The following ZNF326 variants were observed in gnomAD, a reference collection of about 807,000 sequenced individuals.
ZNF326 encodes the protein zinc finger protein 326.
ZNF326 carries 30 observed loss-of-function variants against 63.1 expected under a neutral mutation model. The ratio of observed to expected loss-of-function variants is 0.48; its 90% CI spans 0.36 to 0.64. ZNF326 has a LOEUF of 0.64. Among genes scored for constraint, ZNF326 ranks in the 30% least tolerant of loss-of-function variants. The probability of loss-of-function intolerance (pLI) is 0.00; values close to 1 mark genes in which losing one functional copy is unlikely to be tolerated. For synonymous variants in ZNF326, 194 were observed against 228.2 expected (o/e 0.85, Z 1.35); for missense variants, 609 against 720.3 (o/e 0.85, Z 1.77).
At position 90,032,388 on chromosome 1, in the gene ZNF326, G is replaced by A. The variant is rs1650316043; in HGVS notation, c.*4687G>A. ...CATGGAGTGTGGAAGGGTACTATGG[G>A]TAGCTTATTTATTAGATCAGTATAA... On this transcript the variant is annotated 3_prime_UTR_variant, in exon 12 of 12. Coordinates refer to ENST00000340281, the MANE Select transcript of ZNF326 (RefSeq NM_182976.4). The A allele has an allele frequency of 6.6e-6, 1 of 152,196 alleles. No homozygotes were observed. The highest frequency in any genetic ancestry group is 2.4e-5 in the African/African-American group (1 of 41,400). 9.4% of individuals were successfully genotyped at this position (152,196 alleles called of 1,614,324 possible).
In ZNF326 at chr1:90,028,459, C is replaced by CT. The variant is rs1381489416; in HGVS notation, c.*763dup. The CT allele has an allele frequency of 1.3e-5, 2 of 152,148 alleles. No homozygotes were observed. The highest frequency in any genetic ancestry group is 2.9e-5 in the Non-Finnish European group (2 of 68,022). The allele number at this position is 152,148 out of a possible 1,614,324, so 9.4% of individuals were successfully genotyped here. A position where few individuals can be genotyped will look rare whatever the true frequency, so the allele number is the denominator to read the frequency against. The stretch of plus-strand genomic sequence containing the variant: ...AGTTTGAACTGACCTTATTTATACT[C>CT]TTTTTAAGTTTGTTCCTTTTCCCTG... On this transcript the variant is annotated 3_prime_UTR_variant, in exon 12 of 12. Transcript: ENST00000340281.
intron 4 of ZNF326, among the ~76,000 whole-genome samples, chr1:90,006,649 C>T (rs1649004011): frequency 6.6e-6 from 1 of 152,086 alleles, no homozygotes; most frequent in African/African-American, 2.4e-5. Flanking sequence ...AATTCATATG[C>T]AGAGGGTATA....
In ZNF326 at chr1:90,034,911, A is replaced by G. The variant is rs773087629; in HGVS notation, c.*7210A>G. 2.6e-5 allele frequency: 4 copies of G among 152,138 alleles called. No individual in the cohort carries two copies. Among genetic ancestry groups the G allele is most frequent in the Non-Finnish European group, 4.4e-5 (3 of 67,998 alleles). 9.4% of individuals were successfully genotyped at this position (152,138 alleles called of 1,614,324 possible). A position where few individuals can be genotyped will look rare whatever the true frequency, so the allele number is the denominator to read the frequency against. On this transcript the variant is annotated 3_prime_UTR_variant, in exon 12 of 12. Transcript: ENST00000340281. The stretch of plus-strand genomic sequence containing the variant: ...ATTAAATATCCCAAAATAATGTGTC[A>G]TGGTAGAGTAGGGTTTATCTGAAAA...
Position 90,004,798 on chromosome 1 carries a change from CTTTTTTTTTTT to C in ZNF326, c.62-194_62-184del, listed in dbSNP as rs34878438. Among the ~76,000 whole-genome samples the C allele has an allele frequency of 4.1e-3, 282 of 68,128 alleles. 3 individuals carry two copies. In the Middle Eastern group the frequency reaches 0.047, roughly 11 times the overall value. The allele number at this position is 68,128 out of a possible 152,430, so 44.7% of individuals were successfully genotyped here. A position where few individuals can be genotyped will look rare whatever the true frequency, so the allele number is the denominator to read the frequency against. Reference sequence around the variant, plus strand: ...TATGTTTTTCTTTGAAATATCAGGGCTTTTTTTTTTTTTTTTTTTTTAGCAAATTTGATTTA... The same window carrying C: ...TATGTTTTTCTTTGAAATATCAGGGCTTTTTTTTTTAGCAAATTTGATTTA... On this transcript the variant is annotated intron_variant, in intron 2 of 11. Transcript: ENST00000340281.
intron 6 of ZNF326, among the ~76,000 whole-genome samples, chr1:90,011,618 TAAAA>T (rs923548298): frequency 6.9e-6 from 1 of 145,968 alleles, no homozygotes; most frequent in South Asian, 2.2e-4. Context: ...ATGGTCATAA[TAAAA>T]AAAGGAAAAT....
At chr1:90,026,630 G>A (rs572396829) in intron 11 of ZNF326, among the ~76,000 whole-genome samples, 33 of 152,128 alleles carry the variant, frequency 2.2e-4, no homozygotes, top group Non-Finnish European at 4.3e-4. Context: ...GGATATTAGA[G>A]TAGCCTCCTC....
Position 90,027,788 on chromosome 1 carries a change from T to A in ZNF326, c.*87T>A. 1 of 1,273,834 alleles carries A rather than the reference T, an allele frequency of 7.9e-7. No homozygotes were observed. The highest frequency in any genetic ancestry group is 1.1e-6 in the Non-Finnish European group (1 of 891,210). The allele number at this position is 1,273,834 out of a possible 1,614,324, so 78.9% of individuals were successfully genotyped here. A position where few individuals can be genotyped will look rare whatever the true frequency, so the allele number is the denominator to read the frequency against. On this transcript the variant is annotated 3_prime_UTR_variant, in exon 12 of 12. Coordinates refer to ENST00000340281, the MANE Select transcript of ZNF326 (RefSeq NM_182976.4). ...AAATTTAATAGCTTAAAATATGAAT[T>A]AACACCCATGTTGCATGCATTCCAC...
In ZNF326 at chr1:90,027,839, T is replaced by C; in HGVS notation, c.*138T>C. 2 of 773,854 alleles carry C rather than the reference T, an allele frequency of 2.6e-6. No homozygotes were observed. The highest frequency in any genetic ancestry group is 4.0e-6 in the Non-Finnish European group (2 of 501,000). The allele number at this position is 773,854 out of a possible 1,614,324, so 47.9% of individuals were successfully genotyped here. A position where few individuals can be genotyped will look rare whatever the true frequency, so the allele number is the denominator to read the frequency against. On this transcript the variant is annotated 3_prime_UTR_variant, in exon 12 of 12. Transcript: ENST00000340281. ...ATATTAAAATTTGTTTTATATAATT[T>C]CTAAATGTTTAACATTTGTTTAATA...
chr1:90,014,718 AGT>A (rs1426145370), intron 7 of ZNF326, among the ~76,000 whole-genome samples: 1 of 152,204 alleles, frequency 6.6e-6, no homozygotes, highest in East Asian at 1.9e-4. Flanking sequence ...AAAGAAGAGT[AGT>A]TCTAGTTTCA....
At chr1:89,995,381 C>T (rs553031610) in intron 1 of ZNF326, 108 bp downstream of exon 1, 8 of 1,378,622 alleles carry the variant, frequency 5.8e-6, no homozygotes, top group Middle Eastern at 4.0e-4. Context: ...GTTCTGCGGG[C>T]CCGGAGGCCG....
chr1:90,032,029 A>T lies in ZNF326; in HGVS notation c.*4328A>T, dbSNP rs547558225. ...CCTCAGTGCTGTATCTCTATTTGGT[A>T]TTCAAACAAATCCAGGGAATCTGCA... is the stretch of plus-strand genomic sequence containing the variant. On this transcript the variant is annotated 3_prime_UTR_variant, in exon 12 of 12. Transcript: ENST00000340281. The T allele has an allele frequency of 1.4e-4, 21 of 152,274 alleles. No individual in the cohort carries two copies. The highest frequency in any genetic ancestry group is 4.6e-4 in the African/African-American group (19 of 41,552). The allele number at this position is 152,274 out of a possible 1,614,324, so 9.4% of individuals were successfully genotyped here.
intron 2 of ZNF326, among the ~76,000 whole-genome samples, chr1:90,000,024 G>A (rs772888398): frequency 4.6e-5 from 7 of 152,152 alleles, no homozygotes; most frequent in South Asian, 2.1e-4. Flanking sequence ...TGATCATTGC[G>A]AGGGAGAGTA....
At chr1:90,013,036 C>T (rs1445428208) in intron 6 of ZNF326, 90 bp from the exon 7 acceptor site, 2 of 1,066,514 alleles carry the variant, frequency 1.9e-6, no homozygotes, top group East Asian at 5.5e-5. Context: ...ACTAAGTATA[C>T]CTCATAAGTA....
At chr1:90,001,718 TA>T in intron 2 of ZNF326, among the ~76,000 whole-genome samples, 1 of 152,196 alleles carries the variant, frequency 6.6e-6, no homozygotes, top group East Asian at 1.9e-4. Context: ...CATGCCTGGC[TA>T]ATTTTTTTTG....
intron 11 of ZNF326, among the ~76,000 whole-genome samples, chr1:90,025,483 T>G (rs1352857219): frequency 6.6e-6 from 1 of 152,194 alleles, no homozygotes; most frequent in Non-Finnish European, 1.5e-5. Flanking sequence ...TGCAAGTTAC[T>G]GAGCGTCTCC....
intron 8 of ZNF326, 99 bp from the exon 9 acceptor site, chr1:90,018,586 T>C (rs1649610941): frequency 1.8e-6 from 1 of 565,374 alleles, no homozygotes; most frequent in South Asian, 2.6e-5. Context: ...AATTCTTATG[T>C]AGCAGATACT....
intron 11 of ZNF326, among the ~76,000 whole-genome samples, chr1:90,024,978 C>CTTT (rs1570322375): frequency 9.8e-6 from 1 of 102,228 alleles, no homozygotes. Flanking sequence ...GATTTTTTTC[C>CTTT]TGTTTTTTTT....
Position 89,995,222 on chromosome 1 carries a change from T to C in ZNF326, c.-36T>C. On this transcript the variant is annotated 5_prime_UTR_variant, in exon 1 of 12. Coordinates refer to ENST00000340281, the MANE Select transcript of ZNF326 (RefSeq NM_182976.4). ...GCTCGCCGCCGGCCATAGCTCAGCC[T>C]AGCGCCGCCAAGGCCGACGGCCCTC... 1 of 1,540,254 alleles carries C rather than the reference T, an allele frequency of 6.5e-7. No individual in the cohort carries two copies. Among genetic ancestry groups the C allele is most frequent in the Non-Finnish European group, 8.7e-7 (1 of 1,146,006 alleles).
chr1:90,010,721 T>C (rs971862698), intron 6 of ZNF326, among the ~76,000 whole-genome samples: 1 of 152,178 alleles, frequency 6.6e-6, no homozygotes, highest in African/African-American at 2.4e-5. Context: ...AATAACTTTT[T>C]CCCTAATTAT....
Sources: gnomAD v4.1 joint callset for allele counts (sites outside exome capture counted in the v4.1 genomes callset) on GRCh38, gnomAD v4.1.1 for gene constraint, MANE v1.5 for transcripts, NCBI Gene and HGNC (gene_info 2026-07-23, HGNC 2026-07-21) for gene names.